The following PHF24 variants were observed in gnomAD, a reference collection of about 807,000 sequenced individuals.
The protein encoded by PHF24 is Galpha inhibitory interacting protein.
PHF24 carries 25 observed loss-of-function variants against 42.6 expected under a neutral mutation model. The observed-to-expected ratio is 0.59, with a 90% CI of 0.43 to 0.82. The LOEUF is 0.82. PHF24 is among the 40% of genes least tolerant of loss of function. The pLI is 0.00. For missense variants in PHF24, 470 were observed against 538.1 expected, an observed-to-expected ratio of 0.87 and a Z score of 1.25; for synonymous variants, 185 against 204.8, an observed-to-expected ratio of 0.90 and a Z score of 0.83.
chr9:34,812,223 C>G, the PHF24 span, among the ~76,000 whole-genome samples: 26 of 151,856 alleles, frequency 1.7e-4, no homozygotes, highest in African/African-American at 6.3e-4. Flanking sequence ...ACAGACAAAA[C>G]AAACACATAC....
chr9:34,982,289 G>A (rs914756676), exon 8 of PHF24: 1 of 152,228 alleles, frequency 6.6e-6, no homozygotes, highest in Non-Finnish European at 1.5e-5. Context: ...CCAAACCCAA[G>A]TTTGTGAGAG....
the PHF24 span, among the ~76,000 whole-genome samples, chr9:34,856,985 C>A: frequency 3.3e-5 from 5 of 152,240 alleles, no homozygotes; most frequent in African/African-American, 1.2e-4. Context: ...AGGGAGGCAC[C>A]ACCCAGTGAG....
At chr9:34,806,997 GT>G in the PHF24 span, among the ~76,000 whole-genome samples, 2,434 of 152,240 alleles carry the variant, frequency 0.016, 57 homozygotes, top group East Asian at 0.098. Flanking sequence ...TCTGCAGATA[GT>G]TTTATTTTTC....
the PHF24 span, chr9:34,680,759 A>C: frequency 6.6e-6 from 1 of 152,022 alleles, no homozygotes; most frequent in Non-Finnish European, 1.5e-5. Context: ...GAGAATAATA[A>C]ATGTCAGCTA....
At chr9:34,915,118 G>A in the PHF24 span, among the ~76,000 whole-genome samples, 2 of 136,558 alleles carry the variant, frequency 1.5e-5, no homozygotes, top group East Asian at 2.2e-4. Context: ...CTGCAGCCTC[G>A]ACCTCCTGGG....
chr9:34,926,379 C>T, the PHF24 span, among the ~76,000 whole-genome samples: 1 of 151,876 alleles, frequency 6.6e-6, no homozygotes, highest in African/African-American at 2.4e-5. The surrounding 1 kb of genome is among the most constrained non-coding windows in gnomAD (Gnocchi z 4.3). Context: ...ACCAGAGAGG[C>T]CAGCAGGGCT....
the PHF24 span, among the ~76,000 whole-genome samples, chr9:34,851,866 C>G: frequency 6.6e-6 from 1 of 152,182 alleles, no homozygotes; most frequent in African/African-American, 2.4e-5. Context: ...TGTCTTTTAA[C>G]TTTCATACTA....
chr9:34,732,782 A>G, the PHF24 span, among the ~76,000 whole-genome samples: 2 of 152,204 alleles, frequency 1.3e-5, no homozygotes, highest in Non-Finnish European at 2.9e-5. Context: ...ATAAATTGAT[A>G]TATTTTCTTC....
chr9:34,740,122 A>C, the PHF24 span, among the ~76,000 whole-genome samples: 1 of 152,214 alleles, frequency 6.6e-6, no homozygotes, highest in Non-Finnish European at 1.5e-5. Context: ...CCTGAGCTAG[A>C]CATAAAGGTT....
the PHF24 span, among the ~76,000 whole-genome samples, chr9:34,849,614 A>G: frequency 6.6e-6 from 1 of 152,052 alleles, no homozygotes; most frequent in African/African-American, 2.4e-5. Flanking sequence ...TAAAGTTAAT[A>G]TTGTTATGTG....
chr9:34,960,858 GA>G (rs1363766988), intron 1 of PHF24, among the ~76,000 whole-genome samples: 2 of 152,204 alleles, frequency 1.3e-5, no homozygotes, highest in Non-Finnish European at 2.9e-5. Context: ...GTGCACGAAA[GA>G]TGTCACCAGG....
At chr9:34,781,714 C>T in the PHF24 span, among the ~76,000 whole-genome samples, 1 of 150,152 alleles carries the variant, frequency 6.7e-6, no homozygotes, top group Non-Finnish European at 1.5e-5. Context: ...CTCAGTAAGG[C>T]TGTTAGGGAA....
chr9:34,968,518 G>A (rs990703645), intron 1 of PHF24, among the ~76,000 whole-genome samples: 5 of 152,134 alleles, frequency 3.3e-5, no homozygotes, highest in Non-Finnish European at 7.4e-5. Flanking sequence ...AAATGGAGTC[G>A]GGGAGGTGGT....
the PHF24 span, chr9:34,923,046 T>G: frequency 9.6e-6 from 4 of 415,724 alleles, no homozygotes; most frequent in South Asian, 3.0e-4. Flanking sequence ...AAGTTTTGTT[T>G]TTGTTTTTTT....
chr9:34,793,665 T>G, the PHF24 span, among the ~76,000 whole-genome samples: 2 of 152,130 alleles, frequency 1.3e-5, no homozygotes, highest in Non-Finnish European at 2.9e-5. Context: ...CAGAGAGAAC[T>G]GGAGCAGAAG....
At chr9:34,973,980 C>T (rs182797006) in intron 3 of PHF24, among the ~76,000 whole-genome samples, 1 of 152,242 alleles carries the variant, frequency 6.6e-6, no homozygotes, top group Admixed American at 6.5e-5. Flanking sequence ...TTCTTTCCTT[C>T]CCTTCACAGC....
chr9:34,833,105 C>A, the PHF24 span: 1 of 1,551,510 alleles, frequency 6.4e-7, no homozygotes, highest in Non-Finnish European at 8.7e-7. Flanking sequence ...GCGCCCAAAC[C>A]CCGCATCCCC....
At chr9:34,679,545 T>C in the PHF24 span, among the ~76,000 whole-genome samples, 1 of 152,130 alleles carries the variant, frequency 6.6e-6, no homozygotes, top group Non-Finnish European at 1.5e-5. Context: ...TGAAACCCTG[T>C]CTCTACTAAA....
the PHF24 span, among the ~76,000 whole-genome samples, chr9:34,846,695 A>AGGCCC: frequency 6.6e-6 from 1 of 152,224 alleles, no homozygotes; most frequent in Non-Finnish European, 1.5e-5. Context: ...CCTGAATGGT[A>AGGCCC]ATGCCCAGGT....
Sources: gnomAD v4.1 joint callset for allele counts (sites outside exome capture counted in the v4.1 genomes callset) on GRCh38, gnomAD v4.1.1 for gene constraint, Gnocchi (gnomAD v3.1) non-coding constraint, MANE v1.5 for transcripts, NCBI Gene and HGNC (gene_info 2026-07-23, HGNC 2026-07-21) for gene names.